The following RGS7 variants were observed in gnomAD, a reference collection of about 807,000 sequenced individuals.
RGS7 encodes the protein regulator of G protein signaling 7.
Under a neutral mutation model 81.1 loss-of-function variants are expected in RGS7, and 27 were observed. The ratio of observed to expected loss-of-function variants is 0.33; its 90% confidence interval spans 0.25 to 0.46. The LOEUF is 0.46. RGS7 is among the 20% of genes least tolerant of loss of function. RGS7 has a pLI of 1.00. For synonymous variants in RGS7, 208 were observed against 207.7 expected (o/e 1.00, Z -0.01); for missense variants, 396 against 607.4 (o/e 0.65, Z 3.66).
chr1:241,322,485 CTTAT>C (rs2081269378), intron 2 of RGS7, among the ~76,000 whole-genome samples: 1 of 152,214 alleles, frequency 6.6e-6, no homozygotes, highest in Admixed American at 6.5e-5. Context: ...TTATCTGCCA[CTTAT>C]TTGATTCTCA....
chr1:241,055,673 A>G (rs2061441144), intron 3 of RGS7, among the ~76,000 whole-genome samples: 1 of 152,224 alleles, frequency 6.6e-6, no homozygotes, highest in Admixed American at 6.5e-5. Context: ...TCAGCTATCC[A>G]GGAGCTACCC....
chr1:240,948,605 G>C (rs1026762519), intron 4 of RGS7, among the ~76,000 whole-genome samples: 2 of 151,922 alleles, frequency 1.3e-5, no homozygotes, highest in African/African-American at 4.8e-5. Flanking sequence ...ACCAAGCCTG[G>C]CTAATTTTTA....
At chr1:241,034,876 T>C (rs962768647) in intron 3 of RGS7, among the ~76,000 whole-genome samples, 12 of 152,216 alleles carry the variant, frequency 7.9e-5, no homozygotes, top group Non-Finnish European at 1.3e-4. Flanking sequence ...ACATTGTTGA[T>C]AGAAAACGAT....
At chr1:241,074,866 G>A (rs1642284809) in intron 3 of RGS7, among the ~76,000 whole-genome samples, 1 of 152,146 alleles carries the variant, frequency 6.6e-6, no homozygotes, top group Admixed American at 6.5e-5. Flanking sequence ...TACTGGCCCT[G>A]GAGTTTTGGC....
At chr1:241,055,124 A>G (rs2061417515) in intron 3 of RGS7, among the ~76,000 whole-genome samples, 1 of 152,202 alleles carries the variant, frequency 6.6e-6, no homozygotes, top group African/African-American at 2.4e-5. Flanking sequence ...GGTATAAAAG[A>G]TAGGAAAAAC....
chr1:241,259,650 C>CAAAAAAA (rs71571832), intron 2 of RGS7, among the ~76,000 whole-genome samples: 2 of 39,906 alleles, frequency 5.0e-5, no homozygotes, highest in African/African-American at 1.2e-4. Flanking sequence ...AACTCCGTCT[C>CAAAAAAA]AAAAAAAAAA....
intron 3 of RGS7, among the ~76,000 whole-genome samples, chr1:241,033,232 TC>T (rs2060168021): frequency 6.6e-6 from 1 of 152,066 alleles, no homozygotes; most frequent in Non-Finnish European, 1.5e-5. Context: ...ACACCTGTGG[TC>T]CCACCTACCC....
At position 240,977,091 on chromosome 1, in the gene RGS7, TACACACACACACACACAC is replaced by T. The variant is rs60732630; in HGVS notation, c.226+5970_226+5987del. Among the ~76,000 whole-genome samples, 382 of 133,808 alleles carry T rather than the reference TACACACACACACACACAC, an allele frequency of 2.9e-3. 1 individual carries two copies. Among genetic ancestry groups the T allele is most frequent in the Admixed American group, 1.8e-3 (24 of 13,194 alleles). The allele number at this position is 133,808 out of a possible 152,430, so 87.8% of individuals were successfully genotyped here. On this transcript the variant is annotated intron_variant, in intron 4 of 18. Transcript: ENST00000440928. ...CATCTATCATCTATCTATCCATCTG[TACACACACACACACACAC>T]ACACACACACACACACACACACACA...
At chr1:240,778,332 AAT>A (rs1446256120) in intron 18 of RGS7, among the ~76,000 whole-genome samples, 1 of 152,166 alleles carries the variant, frequency 6.6e-6, no homozygotes, top group African/African-American at 2.4e-5. Flanking sequence ...GGAAAAAGAC[AAT>A]ATGTTTAAGA....
intron 18 of RGS7, among the ~76,000 whole-genome samples, chr1:240,777,085 A>G (rs1029623654): frequency 3.9e-5 from 6 of 152,198 alleles, no homozygotes; most frequent in African/African-American, 1.4e-4. Flanking sequence ...ACCTGAGGTC[A>G]GGAGTTCGAG....
At chr1:240,996,977 T>A (rs983788681) in intron 3 of RGS7, among the ~76,000 whole-genome samples, 1 of 152,116 alleles carries the variant, frequency 6.6e-6, no homozygotes, top group Non-Finnish European at 1.5e-5. Context: ...GTTTTTACAG[T>A]CTTGCTTTGT....
intron 3 of RGS7, among the ~76,000 whole-genome samples, chr1:240,985,906 T>C (rs966253556): frequency 2.6e-5 from 4 of 151,706 alleles, no homozygotes; most frequent in African/African-American, 9.7e-5. Flanking sequence ...TCCAGAGAAG[T>C]GTAGTAGGAA....
At chr1:240,953,480 C>A (rs1039622560) in intron 4 of RGS7, among the ~76,000 whole-genome samples, 2 of 151,844 alleles carry the variant, frequency 1.3e-5, no homozygotes, top group Admixed American at 1.3e-4. Context: ...ACAACATAAT[C>A]TTTAGTAACC....
intron 9 of RGS7, among the ~76,000 whole-genome samples, chr1:240,850,660 G>C (rs745922931): frequency 6.6e-6 from 1 of 152,182 alleles, no homozygotes; most frequent in Non-Finnish European, 1.5e-5. Context: ...AGCTGAGATA[G>C]GATGAGAGCT....
rs570522521 is a variant in RGS7, at chr1:241,017,271, G to A, written c.176-34142C>T. Among the ~76,000 whole-genome samples the A allele has an allele frequency of 7.7e-4, 117 of 152,058 alleles. 2 individuals carry two copies. Among genetic ancestry groups the A allele is most frequent in the Admixed American group, 1.4e-3 (22 of 15,260 alleles). ...AGCCTGGTCAACACGGTGAAACCCC[G>A]TCTCTACTAAAATACAAAAATTAGC... On this transcript the variant is annotated intron_variant, in intron 3 of 18. Coordinates refer to ENST00000440928, the MANE Select transcript of RGS7 (RefSeq NM_001364886.1).
chr1:241,073,720 T>C (rs976010380), intron 3 of RGS7, among the ~76,000 whole-genome samples: 1 of 152,148 alleles, frequency 6.6e-6, no homozygotes, highest in Non-Finnish European at 1.5e-5. Context: ...AGAAACCTGA[T>C]TACAGTCATA....
intron 3 of RGS7, among the ~76,000 whole-genome samples, chr1:240,994,559 G>T (rs977052600): frequency 5.9e-5 from 9 of 152,058 alleles, no homozygotes; most frequent in African/African-American, 1.9e-4. Flanking sequence ...GTTCTAGAAG[G>T]TTTTTTTGCA....
intron 2 of RGS7, among the ~76,000 whole-genome samples, chr1:241,297,923 C>G (rs759558481): frequency 6.6e-6 from 1 of 152,194 alleles, no homozygotes; most frequent in Admixed American, 6.5e-5. Context: ...CCTGGGCATC[C>G]TCTAGTATGT....
At chr1:241,069,901 T>C (rs1278361639) in intron 3 of RGS7, among the ~76,000 whole-genome samples, 1 of 152,206 alleles carries the variant, frequency 6.6e-6, no homozygotes, top group African/African-American at 2.4e-5. Flanking sequence ...GGTACCTTAT[T>C]TGATCATTTA....
Sources: allele counts gnomAD v4.1 joint callset (sites outside exome capture counted in the v4.1 genomes callset), GRCh38; gene constraint gnomAD v4.1.1; transcripts MANE v1.5; gene names NCBI Gene and HGNC (gene_info 2026-07-23, HGNC 2026-07-21).